The following SOX30 variants were observed in gnomAD, a reference collection of about 807,000 sequenced individuals.
The protein encoded by SOX30 is transcription factor SOX-30.
Under a neutral mutation model 58.6 loss-of-function variants are expected in SOX30, and 17 were observed. The ratio of observed to expected loss-of-function variants is 0.29; its 90% CI spans 0.20 to 0.44. The LOEUF (loss-of-function observed/expected upper bound fraction) is 0.44, where lower values mean the gene tolerates loss of function less well. SOX30 is among the 20% of genes least tolerant of loss of function. SOX30 has a pLI of 1.00. For synonymous variants in SOX30, 421 were observed against 400.2 expected, an observed-to-expected ratio of 1.05 and a Z score of -0.62; for missense variants, 951 against 965.8, an observed-to-expected ratio of 0.98 and a Z score of 0.20.
chr5:157,627,614 A>C (rs1392218007), intron 4 of SOX30, among the ~76,000 whole-genome samples: 1 of 152,238 alleles, frequency 6.6e-6, no homozygotes, highest in Non-Finnish European at 1.5e-5. Context: ...AACTGATAGT[A>C]AACTATGGTC....
At position 157,646,798 on chromosome 5, in the gene SOX30, C is replaced by T. The variant is rs777160108; in HGVS notation, c.1226G>A (p.Arg409His). ...EEFPGWVYQP[R>H]PGKRKRFPLS... The stretch of plus-strand genomic sequence containing the variant: ...AGGGAATCGTTTTCGCTTCCCTGGA[C>T]GAGGCTGATAAACCCAACCTATAGA... Residue 409 changes from arginine to histidine, a missense_variant, in exon 3 of 5, where the codon CGT becomes CAT. Arg to His is a conservative substitution (Grantham distance 29, BLOSUM62 0). Coordinates refer to ENST00000265007, the MANE Select transcript of SOX30 (RefSeq NM_178424.2). 7.4e-6 allele frequency: 12 copies of T among 1,613,760 alleles called. No homozygotes were observed. In the East Asian group the frequency reaches 1.1e-4, roughly 15 times the overall value.
intron 3 of SOX30, among the ~76,000 whole-genome samples, chr5:157,643,098 A>G (rs1272495650): frequency 1.3e-5 from 2 of 150,800 alleles, no homozygotes; most frequent in Admixed American, 6.7e-5. Context: ...AAAGAAGAAA[A>G]CGGACAACAA....
intron 1 of SOX30, chr5:157,667,989 C>T: frequency 1.0e-6 from 1 of 953,104 alleles, no homozygotes; most frequent in Non-Finnish European, 1.6e-6. Flanking sequence ...AACCAAGGCA[C>T]AGAGAGGTGG....
intron 2 of SOX30, among the ~76,000 whole-genome samples, chr5:157,660,060 A>G (rs1163998609): frequency 6.6e-6 from 1 of 152,164 alleles, no homozygotes; most frequent in Non-Finnish European, 1.5e-5. Context: ...CAACGGGAGG[A>G]ATGTTTAATG....
chr5:157,639,672 A>C (rs1441004001), intron 3 of SOX30, among the ~76,000 whole-genome samples: 1 of 152,236 alleles, frequency 6.6e-6, no homozygotes, highest in Non-Finnish European at 1.5e-5. Context: ...ACCTGGTCTA[A>C]ATTTAATTCA....
intron 3 of SOX30, among the ~76,000 whole-genome samples, chr5:157,642,315 C>T (rs976507712): frequency 8.6e-6 from 1 of 116,916 alleles, no homozygotes; most frequent in Non-Finnish European, 1.9e-5. Context: ...GATTCCCTCT[C>T]AAAAAAAAAA....
At chr5:157,633,793 G>T (rs1162770637) in intron 4 of SOX30, among the ~76,000 whole-genome samples, 4 of 152,184 alleles carry the variant, frequency 2.6e-5, no homozygotes. Context: ...CAATATATCT[G>T]AGTGTATTTT....
Position 157,637,385 on chromosome 5 carries a change from G to A in SOX30, c.1880+845C>T, listed in dbSNP as rs149125413. 3.2e-3 allele frequency among the ~76,000 whole-genome samples: 487 copies of A among 152,100 alleles called. 4 individuals are homozygous for A. The highest frequency in any genetic ancestry group is 0.011 in the African/African-American group (449 of 41,496). The stretch of plus-strand genomic sequence containing the variant: ...CCTAGGTAAATAAACAATTTTTCAC[G>A]TAGACCAAGTGCCCTCCTCTATACC... On this transcript the variant is annotated intron_variant, in intron 4 of 4. Coordinates refer to ENST00000265007, the MANE Select transcript of SOX30 (RefSeq NM_178424.2).
At chr5:157,666,157 T>C (rs1408725364) in intron 2 of SOX30, among the ~76,000 whole-genome samples, 1 of 152,010 alleles carries the variant, frequency 6.6e-6, no homozygotes, top group Non-Finnish European at 1.5e-5. Flanking sequence ...TTGTTTTTGT[T>C]TGTTTGTTTG....
intron 2 of SOX30, among the ~76,000 whole-genome samples, chr5:157,659,861 T>A (rs570905481): frequency 6.6e-6 from 1 of 152,250 alleles, no homozygotes; most frequent in Non-Finnish European, 1.5e-5. Flanking sequence ...GAAAGACTTA[T>A]CTAAAGACCT....
intron 4 of SOX30, among the ~76,000 whole-genome samples, chr5:157,631,468 T>G (rs1295868051): frequency 6.6e-6 from 1 of 152,174 alleles, no homozygotes; most frequent in Non-Finnish European, 1.5e-5. Flanking sequence ...GTCTTGCTTT[T>G]AAGAATTTTG....
chr5:157,643,810 A>T (rs1057122805), intron 3 of SOX30, among the ~76,000 whole-genome samples: 1 of 152,236 alleles, frequency 6.6e-6, no homozygotes, highest in Non-Finnish European at 1.5e-5. Flanking sequence ...ACAACAAAAA[A>T]GTATATACAT....
intron 4 of SOX30, among the ~76,000 whole-genome samples, chr5:157,629,506 T>C (rs73306840): frequency 0.01 from 1,533 of 152,320 alleles, 31 homozygotes; most frequent in African/African-American, 0.036. Context: ...GACGAGTTCG[T>C]GTTATATTCA....
chr5:157,654,027 A>G (rs1374513918), upstream of SOX30, among the ~76,000 whole-genome samples: 4 of 152,020 alleles, frequency 2.6e-5, no homozygotes, highest in African/African-American at 7.3e-5. Flanking sequence ...TTAGTTGGGC[A>G]TGGTGGCACA....
At chr5:157,656,189 C>T (rs1462239189), upstream of SOX30, among the ~76,000 whole-genome samples, 1 of 152,106 alleles carries the variant, frequency 6.6e-6, no homozygotes, top group East Asian at 1.9e-4. Flanking sequence ...TTGTATATAA[C>T]AGAGGTTTGA....
At chr5:157,635,154 CTTCTT>C (rs1163051287) in intron 4 of SOX30, among the ~76,000 whole-genome samples, 1 of 152,146 alleles carries the variant, frequency 6.6e-6, no homozygotes, top group Non-Finnish European at 1.5e-5. Flanking sequence ...TAAGGCTAGT[CTTCTT>C]TTCTAAAAAA....
intron 4 of SOX30, among the ~76,000 whole-genome samples, chr5:157,627,249 G>GA: frequency 6.6e-6 from 1 of 152,110 alleles, no homozygotes; most frequent in African/African-American, 2.4e-5. Context: ...TGTAGTCCCA[G>GA]CTACTCAGGA....
intron 3 of SOX30, among the ~76,000 whole-genome samples, chr5:157,646,288 C>A (rs1581397961): frequency 6.6e-6 from 1 of 152,120 alleles, no homozygotes; most frequent in African/African-American, 2.4e-5. Flanking sequence ...TGCCTCATAC[C>A]CCATTAGCAA....
intron 3 of SOX30, among the ~76,000 whole-genome samples, chr5:157,644,144 G>C (rs556349638): frequency 6.6e-6 from 1 of 152,168 alleles, no homozygotes; most frequent in East Asian, 1.9e-4. Flanking sequence ...TTTATCTTTT[G>C]AGATGCAAGA....
Sources: gnomAD v4.1 joint callset for allele counts (sites outside exome capture counted in the v4.1 genomes callset) on GRCh38, gnomAD v4.1.1 for gene constraint, MANE v1.5 for transcripts, NCBI Gene and HGNC (gene_info 2026-07-23, HGNC 2026-07-21) for gene names.